EEPD1: variants seen among roughly 807,000 people sequenced by gnomAD.
EEPD1 encodes the protein endonuclease/exonuclease/phosphatase family domain containing 1.
A neutral mutation model predicts 46.3 loss-of-function variants in EEPD1; 17 were observed. The observed-to-expected ratio is 0.37, with a 90% CI of 0.25 to 0.55. The LOEUF (loss-of-function observed/expected upper bound fraction) is 0.55, where lower values mean the gene tolerates loss of function less well. EEPD1 is among the 20% of genes least tolerant of loss of function. EEPD1 has a pLI of 0.83. For synonymous variants in EEPD1, 313 were observed against 315.6 expected (o/e 0.99, Z 0.09); for missense variants, 673 against 745.6 (o/e 0.90, Z 1.13).
intron 2 of EEPD1, among the ~76,000 whole-genome samples, chr7:36,156,308 GGC>G (rs927217455): frequency 2.6e-5 from 4 of 152,126 alleles, no homozygotes; most frequent in African/African-American, 7.2e-5. Flanking sequence ...CTGACCCAGT[GGC>G]ATGCTCTCAT....
rs148080279 is a variant in EEPD1 at position 36,252,743 on chromosome 7, C to T, written c.930+13707C>T. On this transcript the variant is annotated intron_variant, in intron 3 of 7. Coordinates refer to ENST00000242108, the MANE Select transcript of EEPD1 (RefSeq NM_030636.3). ...AGCTCTGCATCAATCTGGCTTTCCCCCTTATGGTACGCCCCAGACTGTGGG... is the reference window on the plus strand; with the variant it reads ...AGCTCTGCATCAATCTGGCTTTCCCTCTTATGGTACGCCCCAGACTGTGGG... 8.6e-3 allele frequency among the ~76,000 whole-genome samples: 1,298 copies of T among 151,712 alleles called. 10 individuals carry two copies. Among genetic ancestry groups the T allele is most frequent in the South Asian group, 0.017 (83 of 4,798 alleles).
At position 36,154,108 on chromosome 7, in the gene EEPD1, CTA is replaced by C; in HGVS notation, c.-192-23_-192-22del. 1.6e-6 allele frequency: 1 copy of C among 612,530 alleles called. No homozygotes were observed. The highest frequency in any genetic ancestry group is 2.8e-6 in the Non-Finnish European group (1 of 353,986). The allele number at this position is 612,530 out of a possible 1,614,324, so 37.9% of individuals were successfully genotyped here. A position where few individuals can be genotyped will look rare whatever the true frequency, so the allele number is the denominator to read the frequency against. On this transcript the variant is annotated intron_variant, in intron 1 of 7. Transcript: ENST00000242108. The surrounding 1 kb of genome is among the most constrained non-coding windows in gnomAD (Gnocchi z 4.2). ...GCAAATTTCTTAATTCAATGGGTTT[CTA>C]TGTTTATTGATTTATTTTCTAGGCG...
intron 2 of EEPD1, among the ~76,000 whole-genome samples, chr7:36,176,670 T>C (rs948063615): frequency 6.6e-6 from 1 of 152,216 alleles, no homozygotes; most frequent in Non-Finnish European, 1.5e-5. Flanking sequence ...TCTTTTTGTG[T>C]ACAGAGAAAC....
intron 2 of EEPD1, among the ~76,000 whole-genome samples, chr7:36,159,986 T>G (rs1022943654): frequency 6.6e-6 from 1 of 152,190 alleles, no homozygotes; most frequent in African/African-American, 2.4e-5. Context: ...GAACTTCCAA[T>G]GTAGGCAGAA....
intron 3 of EEPD1, among the ~76,000 whole-genome samples, chr7:36,275,010 A>G (rs954365083): frequency 2.0e-5 from 3 of 152,202 alleles, no homozygotes; most frequent in Non-Finnish European, 4.4e-5. Flanking sequence ...GTGCATCTTC[A>G]TCCACCAAAA....
intron 2 of EEPD1, among the ~76,000 whole-genome samples, chr7:36,178,774 C>T (rs1785225956): frequency 6.6e-6 from 1 of 152,298 alleles, no homozygotes; most frequent in South Asian, 2.1e-4. Flanking sequence ...CTGTGCCTGG[C>T]ACAAGGTCAG....
At position 36,233,052 on chromosome 7, in the gene EEPD1, G is replaced by C. The variant is rs183724967; in HGVS notation, c.879-5933G>C. ...TCATGACCATAAAAGGGGCAGGAATGGGAGACTATCTGAAAAGTCCCTCCA... is the reference window on the plus strand; with the variant it reads ...TCATGACCATAAAAGGGGCAGGAATCGGAGACTATCTGAAAAGTCCCTCCA... On this transcript the variant is annotated intron_variant, in intron 2 of 7. Coordinates refer to ENST00000242108, the MANE Select transcript of EEPD1 (RefSeq NM_030636.3). 2.4e-3 allele frequency among the ~76,000 whole-genome samples: 371 copies of C among 152,292 alleles called. 2 individuals are homozygous for C. Among genetic ancestry groups the C allele is most frequent in the Middle Eastern group, 6.8e-3 (2 of 294 alleles).
chr7:36,298,972 C>T, intron 7 of EEPD1, 35 bp from the exon 8 acceptor site: 1 of 1,606,510 alleles, frequency 6.2e-7, no homozygotes, highest in South Asian at 1.1e-5. Flanking sequence ...ACCCCCCATC[C>T]TGATTCCCGG....
intron 2 of EEPD1, among the ~76,000 whole-genome samples, chr7:36,187,595 C>T (rs533634543): frequency 6.6e-6 from 1 of 152,286 alleles, no homozygotes; most frequent in East Asian, 1.9e-4. Flanking sequence ...CTTTTTAAGG[C>T]CTGATAATAT....
chr7:36,266,116 C>T lies in EEPD1; in HGVS notation c.931-14999C>T, dbSNP rs189079075. 1.5e-3 allele frequency among the ~76,000 whole-genome samples: 236 copies of T among 152,292 alleles called. 1 individual carries two copies. Among genetic ancestry groups the T allele is most frequent in the Non-Finnish European group, 2.9e-3 (197 of 68,034 alleles). On this transcript the variant is annotated intron_variant, in intron 3 of 7. Transcript: ENST00000242108. ...CTCTCACTTGGGGTTTGCCACGCTC[C>T]CCTTTCCTAGACTCTCACAAAATAG...
intron 2 of EEPD1, among the ~76,000 whole-genome samples, chr7:36,175,801 G>A (rs970197698): frequency 1.3e-5 from 2 of 152,142 alleles, no homozygotes; most frequent in East Asian, 1.9e-4. Flanking sequence ...TACAAGGAGC[G>A]GTGCCACCAC....
chr7:36,200,084 C>T (rs901086860), intron 2 of EEPD1, among the ~76,000 whole-genome samples: 2 of 141,864 alleles, frequency 1.4e-5, no homozygotes, highest in African/African-American at 5.3e-5. Context: ...GGTACTAAGC[C>T]TGGTAGTACC....
At chr7:36,220,384 G>T (rs1786123924) in intron 2 of EEPD1, among the ~76,000 whole-genome samples, 1 of 152,294 alleles carries the variant, frequency 6.6e-6, no homozygotes, top group South Asian at 2.1e-4. Flanking sequence ...GGAGGTGAAT[G>T]GTACCAGTCA....
Position 36,281,240 on chromosome 7 carries a change from A to G in EEPD1, c.1041+15A>G. On this transcript the variant is annotated intron_variant, in intron 4 of 7. Coordinates refer to ENST00000242108, the MANE Select transcript of EEPD1 (RefSeq NM_030636.3). ...AGCTCCAGAAGGTACCCTCGTCTGC[A>G]AAGCCTGGCCTTTCCCTTCATTTAA... The G allele has an allele frequency of 3.1e-6, 5 of 1,608,242 alleles. 1 individual carries two copies. In the South Asian group the frequency reaches 5.5e-5, roughly 18 times the overall value.
At chr7:36,270,247 ACTCT>A (rs1246764656) in intron 3 of EEPD1, among the ~76,000 whole-genome samples, 1 of 151,830 alleles carries the variant, frequency 6.6e-6, no homozygotes, top group Non-Finnish European at 1.5e-5. Context: ...TTTTTTTCTG[ACTCT>A]CTATTTTATA....
intron 5 of EEPD1, among the ~76,000 whole-genome samples, chr7:36,286,609 T>C (rs1240814957): frequency 2.6e-5 from 4 of 152,246 alleles, no homozygotes; most frequent in Non-Finnish European, 5.9e-5. Context: ...TGTCCTAGGC[T>C]GGCCAGGTTC....
intron 3 of EEPD1, among the ~76,000 whole-genome samples, chr7:36,248,824 C>T (rs560745794): frequency 6.6e-6 from 1 of 152,152 alleles, no homozygotes; most frequent in Non-Finnish European, 1.5e-5. Context: ...GGGGTGGGTA[C>T]CATTGTGGAG....
chr7:36,283,650 G>A (rs1787296078), intron 4 of EEPD1, among the ~76,000 whole-genome samples: 1 of 152,190 alleles, frequency 6.6e-6, no homozygotes, highest in African/African-American at 2.4e-5. Context: ...ACTCTCCAGG[G>A]GGTGGGCAAG....
intron 2 of EEPD1, among the ~76,000 whole-genome samples, chr7:36,163,283 G>T: frequency 6.6e-6 from 1 of 150,936 alleles, no homozygotes; most frequent in African/African-American, 2.4e-5. Context: ...TTTTCAAAGT[G>T]ATTCCCAATC....
Sources: allele counts gnomAD v4.1 joint callset (sites outside exome capture counted in the v4.1 genomes callset), GRCh38; gene constraint gnomAD v4.1.1; non-coding constraint Gnocchi (gnomAD v3.1); transcripts MANE v1.5; gene names NCBI Gene and HGNC (gene_info 2026-07-23, HGNC 2026-07-21).